Variants in SIRT3 observed in about 807,000 individuals in gnomAD.
The protein encoded by SIRT3 is sirtuin 3, also known as NAD-dependent protein deacetylase sirtuin-3, mitochondrial.
Under a neutral mutation model 33.5 loss-of-function variants are expected in SIRT3, and 26 were observed. That is an observed-to-expected ratio of 0.78 (90% CI 0.57 to 1.08). The LOEUF is 1.08. SIRT3 is among the 50% of genes least tolerant of loss of function. SIRT3 has a pLI of 0.00. For synonymous variants in SIRT3, 237 were observed against 222.1 expected, an observed-to-expected ratio of 1.07 and a Z score of -0.60; for missense variants, 585 against 530.1, an observed-to-expected ratio of 1.10 and a Z score of -1.02.
chr11:236,815 C>T (rs1213170320), upstream of SIRT3: 1 of 572,374 alleles, frequency 1.7e-6, no homozygotes, highest in Non-Finnish European at 3.1e-6. Flanking sequence ...CTCTTTGACG[C>T]CTCAATGGCA....
At chr11:218,018 A>C (rs77994445) in intron 6 of SIRT3, among the ~76,000 whole-genome samples, 1 of 152,046 alleles carries the variant, frequency 6.6e-6, no homozygotes. Context: ...GTAAGACAGT[A>C]CTTTGCTCCT....
intron 4 of SIRT3, among the ~76,000 whole-genome samples, chr11:225,042 G>A (rs1260308620): frequency 2.7e-5 from 4 of 145,590 alleles, no homozygotes; most frequent in African/African-American, 1.0e-4. Flanking sequence ...AAATTAAAAA[G>A]AAAAAACTGT....
intron 1 of SIRT3, among the ~76,000 whole-genome samples, chr11:234,755 A>G (rs949757745): frequency 6.6e-6 from 1 of 151,220 alleles, no homozygotes; most frequent in Non-Finnish European, 1.5e-5. Context: ...TATCACAGAT[A>G]TTAGAATGCG....
intron 1 of SIRT3, among the ~76,000 whole-genome samples, chr11:234,674 C>G (rs1320896944): frequency 1.3e-5 from 2 of 152,158 alleles, no homozygotes; most frequent in African/African-American, 4.8e-5. Flanking sequence ...CTCGGCCTTC[C>G]AAAGTGCTGG....
In SIRT3 at chr11:233,052, G is replaced by C. The variant is rs200303594; in HGVS notation, c.637C>G (p.Leu213Val). The C allele has an allele frequency of 6.2e-7, 1 of 1,614,066 alleles. No individual in the cohort carries two copies. The highest frequency in any genetic ancestry group is 8.5e-7 in the Non-Finnish European group (1 of 1,180,028). The change falls in exon 3 of 7, where the codon CTC (leucine) becomes GTC (valine). Residue 213 changes from leucine (L) to valine (V), a missense_variant. Leu to Val is a conservative substitution (Grantham distance 32). Coordinates refer to ENST00000382743, the MANE Select transcript of SIRT3 (RefSeq NM_012239.6). ...AGCCCCTTGTCATGAAGCAGCCGGA[G>C]AAAGTAGTGAGTGACGTTGGGCTTG... ...NYKPNVTHYFLRLLHDKGLLL... is the reference protein window; with the variant it reads ...NYKPNVTHYFVRLLHDKGLLL...
intron 6 of SIRT3, among the ~76,000 whole-genome samples, chr11:217,154 A>G (rs1409064974): frequency 2.0e-5 from 3 of 152,256 alleles, no homozygotes; most frequent in African/African-American, 4.8e-5. Flanking sequence ...CTTTTCTATG[A>G]AAACAGGAAG....
chr11:234,885 G>GA (rs1564815949), intron 1 of SIRT3, among the ~76,000 whole-genome samples: 2 of 150,082 alleles, frequency 1.3e-5, no homozygotes, highest in Admixed American at 6.6e-5. Context: ...CGGGATCTTT[G>GA]TTTTTTTTTG....
intron 6 of SIRT3, among the ~76,000 whole-genome samples, chr11:218,568 T>C (rs886319749): frequency 1.3e-5 from 2 of 152,210 alleles, no homozygotes; most frequent in Non-Finnish European, 2.9e-5. Flanking sequence ...GTAACGCCTA[T>C]AGTCTGTTAA....
chr11:216,830 A>T, intron 6 of SIRT3, 112 bp from the exon 7 acceptor site: 2 of 1,190,358 alleles, frequency 1.7e-6, no homozygotes, highest in Non-Finnish European at 2.5e-6. Flanking sequence ...TTCACAAAAC[A>T]AGCTGCTTTC....
intron 2 of SIRT3, 27 bp downstream of exon 2, chr11:233,316 G>A: frequency 6.2e-7 from 1 of 1,607,020 alleles, no homozygotes; most frequent in African/African-American, 1.3e-5. Flanking sequence ...GGGGAGCGCA[G>A]AAGGCAGGTG....
Position 236,186 on chromosome 11 carries a change from G to T in SIRT3, c.143C>A (p.Ala48Glu), listed in dbSNP as rs866694544. Residue 48 changes from alanine to glutamate, a missense_variant, in exon 1 of 7, where the codon GCG becomes GAG. Transcript: ENST00000382743. ...LVLGGRDDVS[A>E]GLRGSHGARG... Reference sequence around the variant, plus strand: ...GGCCCCATGGCTGCCTCTCAGCCCCGCACTCACATCGTCCCTGCCGCCAAG... The same window carrying T: ...GGCCCCATGGCTGCCTCTCAGCCCCTCACTCACATCGTCCCTGCCGCCAAG... 1 of 1,562,730 alleles carries T rather than the reference G, an allele frequency of 6.4e-7. No homozygotes were observed. Among genetic ancestry groups the T allele is most frequent in the Non-Finnish European group, 8.6e-7 (1 of 1,156,962 alleles).
At chr11:234,616 T>C (rs957631969) in intron 1 of SIRT3, among the ~76,000 whole-genome samples, 15 of 152,042 alleles carry the variant, frequency 9.9e-5, no homozygotes, top group Non-Finnish European at 2.1e-4. Flanking sequence ...GGGGTTTCAC[T>C]GTGTTAGCCA....
chr11:223,787 G>A lies in SIRT3; in HGVS notation c.969+291C>T, dbSNP rs760457646. 3.7e-6 allele frequency: 4 copies of A among 1,092,070 alleles called. No homozygotes were observed. In the South Asian group the frequency reaches 3.9e-5, roughly 11 times the overall value. The allele number at this position is 1,092,070 out of a possible 1,614,324, so 67.6% of individuals were successfully genotyped here. On this transcript the variant is annotated intron_variant, in intron 5 of 6. Transcript: ENST00000382743. The surrounding 1 kb of genome is among the most constrained non-coding windows in gnomAD (Gnocchi z 4.8). Reference sequence around the variant, plus strand: ...CCAAAGTGGCACCAGCCCTGGAAGGGCCCATGAGATGACTCCTGTACCCCT... The same window carrying A: ...CCAAAGTGGCACCAGCCCTGGAAGGACCCATGAGATGACTCCTGTACCCCT...
At chr11:219,993 CAT>C (rs762134425) in intron 5 of SIRT3, among the ~76,000 whole-genome samples, 11 of 152,182 alleles carry the variant, frequency 7.2e-5, no homozygotes, top group African/African-American at 1.7e-4. Flanking sequence ...CATTTATAAA[CAT>C]ATAATTTATG....
rs1217541290 is a variant in SIRT3 at position 224,149 on chromosome 11, G to C, written c.898C>G (p.Gln300Glu). 1 of 1,614,188 alleles carries C rather than the reference G, an allele frequency of 6.2e-7. No individual in the cohort carries two copies. Among genetic ancestry groups the C allele is most frequent in the African/African-American group, 1.3e-5 (1 of 75,068 alleles). The change falls in exon 5 of 7, where the codon CAG becomes GAG. Residue 300 changes from glutamine to glutamate, a missense_variant. Gln to Glu is a conservative substitution (Grantham distance 29). Transcript: ENST00000382743. ...DIVFFGEPLPQRFLLHVVDFP... is the reference protein window; with the variant it reads ...DIVFFGEPLPERFLLHVVDFP... ...TCAACCACATGCAGCAAGAACCTCT[G>C]GGGCAGCGGCTCCCCAAAGAACACA...
In SIRT3 at chr11:230,461, C is replaced by T. The variant is rs201899724; in HGVS notation, c.798G>A (p.Glu266=). The change falls in exon 4 of 7, where the codon GAG becomes GAA. Residue 266 remains glutamate (E), a synonymous_variant. Coordinates refer to ENST00000382743, the MANE Select transcript of SIRT3 (RefSeq NM_012239.6). ...CAGCAGGATAACTCACCCGAATGTCCTCCCCTGGGAAGGGTCTTTGGCAGA... is the reference window on the plus strand; with the variant it reads ...CAGCAGGATAACTCACCCGAATGTCTTCCCCTGGGAAGGGTCTTTGGCAGA... The part of the protein sequence containing the change: ...CTVCQRPFPG[E]DIRADVMADR... 1.4e-6 allele frequency: 2 copies of T among 1,463,374 alleles called. No individual in the cohort carries two copies. Among genetic ancestry groups the T allele is most frequent in the South Asian group, 1.5e-5 (1 of 68,684 alleles). 90.6% of individuals were successfully genotyped at this position (1,463,374 alleles called of 1,614,324 possible).
At chr11:220,015 A>T (rs978243677) in intron 5 of SIRT3, among the ~76,000 whole-genome samples, 2 of 152,256 alleles carry the variant, frequency 1.3e-5, no homozygotes, top group African/African-American at 4.8e-5. Context: ...GAACTAATTT[A>T]TAATGCTAAT....
At chr11:236,856 C>T (rs1859231868), upstream of SIRT3, 2 of 601,726 alleles carry the variant, frequency 3.3e-6, no homozygotes, top group South Asian at 2.0e-5. Flanking sequence ...GGGCTGCAAA[C>T]GCCGGAGAGT....
At chr11:232,855 T>C (rs547025) in intron 3 of SIRT3, 128 bp downstream of exon 3, 54,944 of 810,612 alleles carry the variant, frequency 0.068, 2,167 homozygotes, top group Non-Finnish European at 0.078. Flanking sequence ...CGATAGGTTT[T>C]GGCCGTCCCC....
Sources: allele counts gnomAD v4.1 joint callset (sites outside exome capture counted in the v4.1 genomes callset), GRCh38; gene constraint gnomAD v4.1.1; non-coding constraint Gnocchi (gnomAD v3.1); transcripts MANE v1.5; gene names NCBI Gene and HGNC (gene_info 2026-07-23, HGNC 2026-07-21).